GBF1: variants seen among roughly 807,000 people sequenced by gnomAD.
GBF1 encodes Golgi-specific brefeldin A-resistance guanine nucleotide exchange factor 1.
Under a neutral mutation model 210.5 loss-of-function variants are expected in GBF1, and 114 were observed. The observed-to-expected ratio is 0.54, with a 90% CI of 0.47 to 0.63. GBF1 has a LOEUF of 0.63. Ranked by LOEUF, GBF1 falls within the 30% of genes least tolerant of loss-of-function variation. GBF1 has a pLI of 0.00. For missense variants in GBF1, 1,851 were observed against 2,357.7 expected (o/e 0.79, Z 4.45); for synonymous variants, 850 against 889.2 (o/e 0.96, Z 0.78).
chr10:102,237,499 T>C, the GBF1 span, among the ~76,000 whole-genome samples: 1 of 151,904 alleles, frequency 6.6e-6, no homozygotes, highest in Non-Finnish European at 1.5e-5. Flanking sequence ...GGGGCAGTGG[T>C]TCAGATTTGA....
intron 39 of GBF1, among the ~76,000 whole-genome samples, chr10:102,381,823 GAAAAAAAA>G (rs386372282): frequency 1.1e-3 from 21 of 19,112 alleles, no homozygotes; most frequent in East Asian, 5.0e-3. Flanking sequence ...ACCCTGTCGC[GAAAAAAAA>G]AAAAAAAAAA....
At chr10:102,358,268 C>T in intron 9 of GBF1, 82 bp downstream of exon 9, 1 of 1,259,354 alleles carries the variant, frequency 7.9e-7, no homozygotes, top group Non-Finnish European at 1.1e-6. Flanking sequence ...TGAAGACCAA[C>T]CAACTGAGGG....
chr10:102,254,884 A>G (rs2072113244), intron 1 of GBF1, among the ~76,000 whole-genome samples: 1 of 152,120 alleles, frequency 6.6e-6, no homozygotes, highest in Admixed American at 6.6e-5. Context: ...TTTCTTGGCC[A>G]TTGGCTACCA....
At chr10:102,380,714 A>G (rs774468423) in intron 38 of GBF1, 28 bp downstream of exon 38, 13 of 1,560,596 alleles carry the variant, frequency 8.3e-6, no homozygotes, top group Non-Finnish European at 1.1e-5. Context: ...GCTTTATCAA[A>G]AAGAGTCTCC....
chr10:102,318,113 G>A (rs1227019877), intron 3 of GBF1, among the ~76,000 whole-genome samples: 1 of 151,754 alleles, frequency 6.6e-6, no homozygotes, highest in African/African-American at 2.4e-5. Context: ...TTTCACCGTG[G>A]TCTCGATCTC....
chr10:102,232,964 T>C, the GBF1 span, among the ~76,000 whole-genome samples: 4 of 152,210 alleles, frequency 2.6e-5, no homozygotes, highest in Non-Finnish European at 5.9e-5. Flanking sequence ...ACCTCAAGTA[T>C]GATCATCCTT....
At chr10:102,251,327 T>G (rs1049432541) in intron 1 of GBF1, among the ~76,000 whole-genome samples, 1 of 152,168 alleles carries the variant, frequency 6.6e-6, no homozygotes, top group Non-Finnish European at 1.5e-5. Flanking sequence ...GAAGTCATTT[T>G]TCTCATGAGG....
chr10:102,368,860 G>T, intron 23 of GBF1, 28 bp downstream of exon 23: 1 of 1,465,670 alleles, frequency 6.8e-7, no homozygotes. Flanking sequence ...CTGTGTACTT[G>T]GAGCTCCAAA....
intron 3 of GBF1, among the ~76,000 whole-genome samples, chr10:102,323,239 GAAAAAAAAAAAA>G (rs775888621): frequency 7.6e-5 from 5 of 65,848 alleles, no homozygotes; most frequent in Admixed American, 5.8e-4. Context: ...CTCCAAAATT[GAAAAAAAAAAAA>G]AAAAAAAAAA....
At position 102,252,328 on chromosome 10, in the gene GBF1, A is replaced by G. The variant is rs183620109; in HGVS notation, c.-11+6547A>G. On this transcript the variant is annotated intron_variant, in intron 1 of 39. Transcript: ENST00000369983. ...ACTCCAGCCTGGGCAACAAGGGGGA[A>G]ACGCTGTCTCAAAAAAAAAAAAAAA... Among the ~76,000 whole-genome samples the G allele has an allele frequency of 1.8e-3, 271 of 151,754 alleles. 1 individual carries two copies. Among genetic ancestry groups the G allele is most frequent in the African/African-American group, 5.9e-3 (243 of 41,392 alleles).
At chr10:102,324,193 A>G (rs554568821) in intron 3 of GBF1, among the ~76,000 whole-genome samples, 1 of 152,312 alleles carries the variant, frequency 6.6e-6, no homozygotes, top group African/African-American at 2.4e-5. Flanking sequence ...TCTGAAGGAA[A>G]GCAGCAGGTG....
At chr10:102,319,921 G>T (rs1028216958) in intron 3 of GBF1, among the ~76,000 whole-genome samples, 1 of 151,720 alleles carries the variant, frequency 6.6e-6, no homozygotes, top group African/African-American at 2.4e-5. Flanking sequence ...TAGAGATGGG[G>T]TTTCACCATA....
At position 102,376,859 on chromosome 10, in the gene GBF1, G is replaced by T. The variant is rs564850288; in HGVS notation, c.4288+59G>T. 4.3e-5 allele frequency: 69 copies of T among 1,609,142 alleles called. No homozygotes were observed. The South Asian group carries it at 7.1e-4, about 17-fold the overall frequency. ...AGCCATGCAATTATGCAGGGGAGAG[G>T]CTGAGAGGGGAGAAAAGGCAGGGTA... On this transcript the variant is annotated intron_variant, in intron 32 of 39. Coordinates refer to ENST00000369983, the MANE Select transcript of GBF1 (RefSeq NM_001377137.1).
chr10:102,370,109 T>A (rs754313246), intron 26 of GBF1, 65 bp from the exon 27 acceptor site: 13 of 1,502,104 alleles, frequency 8.7e-6, no homozygotes, highest in Non-Finnish European at 1.2e-5. Context: ...TCCCCCTGGC[T>A]CTTGGGGACA....
rs774349477 is a variant in GBF1, at chr10:102,358,064, G to A, written c.665G>A (p.Ser222Asn). The change falls in exon 9 of 40, where the codon AGT becomes AAT. Residue 222 changes from serine to asparagine, a missense_variant. By Grantham distance (46) the Ser-to-Asn change is conservative (BLOSUM62 1). Transcript: ENST00000369983. The part of the protein sequence containing the change: ...KKLKMRAGGM[S>N]DSSKWKKQKR... Reference sequence around the variant, plus strand: ...CTGAAAATGAGAGCCGGAGGCATGAGTGATTCATCCAAATGGAAGAAACAG... The same window carrying A: ...CTGAAAATGAGAGCCGGAGGCATGAATGATTCATCCAAATGGAAGAAACAG... 6.2e-7 allele frequency: 1 copy of A among 1,608,090 alleles called. No homozygotes were observed. Among genetic ancestry groups the A allele is most frequent in the East Asian group, 2.2e-5 (1 of 44,872 alleles).
intron 3 of GBF1, among the ~76,000 whole-genome samples, chr10:102,339,076 G>A (rs912853061): frequency 2.6e-5 from 4 of 151,920 alleles, no homozygotes; most frequent in Non-Finnish European, 5.9e-5. Flanking sequence ...TTAAGACTTA[G>A]TATAAGCCGG....
At position 102,368,414 on chromosome 10, in the gene GBF1, C is replaced by T. The variant is rs1247739624; in HGVS notation, c.2839C>T (p.Leu947Phe). Residue 947 changes from leucine (L) to phenylalanine (F), a missense_variant, in exon 22 of 40, where the codon CTT becomes TTT. Around this residue, in one of 3 missense-constraint regions of GBF1, gnomAD observed 967 missense variants for 1,247.7 expected, o/e 0.78. Coordinates refer to ENST00000369983, the MANE Select transcript of GBF1 (RefSeq NM_001377137.1). The part of the protein sequence containing the change: ...AALSYVFDKS[L>F]EETIIQKAIS... ...TCTCTCTTATGTCTTTGACAAAAGC[C>T]TTGAGGAGACAATCATCCAGAAAGC... is the stretch of plus-strand genomic sequence containing the variant. 1 of 1,613,284 alleles carries T rather than the reference C, an allele frequency of 6.2e-7. No homozygotes were observed. Among genetic ancestry groups the T allele is most frequent in the South Asian group, 1.1e-5 (1 of 91,072 alleles).
chr10:102,332,126 C>G (rs535908241), intron 3 of GBF1, among the ~76,000 whole-genome samples: 2 of 152,210 alleles, frequency 1.3e-5, no homozygotes, highest in Non-Finnish European at 2.9e-5. Flanking sequence ...TCCCAAAGTG[C>G]TGGGATTACA....
intron 3 of GBF1, among the ~76,000 whole-genome samples, chr10:102,327,514 ATG>A (rs1261731123): frequency 1.3e-5 from 2 of 152,200 alleles, no homozygotes; most frequent in African/African-American, 4.8e-5. Context: ...CAATAAGAGA[ATG>A]GATAAATTCT....
Sources: allele counts gnomAD v4.1 joint callset (sites outside exome capture counted in the v4.1 genomes callset), GRCh38; gene constraint gnomAD v4.1.1; regional missense constraint gnomAD v4.1.1; transcripts MANE v1.5; gene names NCBI Gene and HGNC (gene_info 2026-07-23, HGNC 2026-07-21).